Variants in AGBL1 observed in about 807,000 individuals in gnomAD.
AGBL1 encodes the protein cytosolic carboxypeptidase 4.
A neutral mutation model predicts 118.9 loss-of-function variants in AGBL1; 130 were observed. That is an observed-to-expected ratio of 1.09 (90% CI 0.95 to 1.26). AGBL1 has a LOEUF of 1.26. AGBL1 is among the 50% of genes most tolerant of loss of function. AGBL1 has a pLI of 0.00. For synonymous variants in AGBL1, 555 were observed against 478.9 expected, an observed-to-expected ratio of 1.16 and a Z score of -2.08; for missense variants, 1,584 against 1,298.1, an observed-to-expected ratio of 1.22 and a Z score of -3.38.
intron 18 of AGBL1, among the ~76,000 whole-genome samples, chr15:86,401,965 G>T (rs2081452827): frequency 6.6e-6 from 1 of 151,892 alleles, no homozygotes; most frequent in South Asian, 2.1e-4. Context: ...TTTTAGGATT[G>T]TTTTTTCTAG....
intron 22 of AGBL1, among the ~76,000 whole-genome samples, chr15:86,882,862 CT>C (rs1252612345): frequency 2.0e-5 from 3 of 152,112 alleles, no homozygotes; most frequent in Admixed American, 2.0e-4. Flanking sequence ...TCTCTCTTTT[CT>C]TTTTAAAAAC....
At chr15:86,672,584 C>T (rs2085766069) in intron 21 of AGBL1, among the ~76,000 whole-genome samples, 1 of 152,144 alleles carries the variant, frequency 6.6e-6, no homozygotes, top group Admixed American at 6.5e-5. Flanking sequence ...GCTGACTGAG[C>T]AGGCAGGTGT....
intron 21 of AGBL1, among the ~76,000 whole-genome samples, chr15:86,564,423 G>T (rs2083880332): frequency 6.6e-6 from 1 of 152,162 alleles, no homozygotes; most frequent in Non-Finnish European, 1.5e-5. Context: ...ATTCTGGGTT[G>T]AAAATTCTTT....
At chr15:86,174,778 G>C (rs1439903247) in intron 5 of AGBL1, among the ~76,000 whole-genome samples, 2 of 152,000 alleles carry the variant, frequency 1.3e-5, no homozygotes, top group Non-Finnish European at 2.9e-5. Context: ...CTTCCATTCT[G>C]TTTATATGAT....
chr15:86,541,647 A>C (rs967875286), intron 19 of AGBL1, among the ~76,000 whole-genome samples: 1 of 151,296 alleles, frequency 6.6e-6, no homozygotes, highest in Admixed American at 6.6e-5. Flanking sequence ...CCACTGCTCT[A>C]AAGTCTAGAA....
At chr15:86,368,416 T>G (rs1263114739) in intron 17 of AGBL1, among the ~76,000 whole-genome samples, 1 of 152,174 alleles carries the variant, frequency 6.6e-6, no homozygotes, top group Non-Finnish European at 1.5e-5. Flanking sequence ...TCACTCTATA[T>G]GACATCAAAT....
At chr15:86,184,240 G>A (rs61357201) in intron 5 of AGBL1, among the ~76,000 whole-genome samples, 8 of 152,186 alleles carry the variant, frequency 5.3e-5, no homozygotes, top group Admixed American at 2.6e-4. Flanking sequence ...TAGCATCCTA[G>A]TAGTAGTCTT....
chr15:86,147,131 G>A (rs1048024060), intron 3 of AGBL1, among the ~76,000 whole-genome samples: 2 of 152,278 alleles, frequency 1.3e-5, no homozygotes, highest in African/African-American at 4.8e-5. Context: ...TATTAGAGGG[G>A]AAATAGGGGG....
intron 22 of AGBL1, among the ~76,000 whole-genome samples, chr15:86,705,686 G>T: frequency 6.6e-6 from 1 of 152,092 alleles, no homozygotes. Context: ...TACTCTTAAT[G>T]TACCATTGGT....
chr15:86,705,842 A>T (rs960067940), intron 22 of AGBL1, among the ~76,000 whole-genome samples: 1 of 152,172 alleles, frequency 6.6e-6, no homozygotes, highest in Non-Finnish European at 1.5e-5. Context: ...AAATTCAGTG[A>T]TGATTACATC....
rs561248452 is a variant in AGBL1 at position 86,874,317 on chromosome 15, C to G, written c.3159-32770C>G. Among the ~76,000 whole-genome samples, 6 of 152,016 alleles carry G rather than the reference C, an allele frequency of 3.9e-5. No homozygotes were observed. The South Asian group carries it at 8.3e-4, about 21-fold the overall frequency. On this transcript the variant is annotated intron_variant, in intron 22 of 22. Coordinates refer to ENST00000614907, the MANE Select transcript of AGBL1 (RefSeq NM_001386094.1). ...AGAAAAATTATGGTGCTATGCTTCTCAACTTCAATTACTTTATGTGCAAAA... is the reference window on the plus strand; with the variant it reads ...AGAAAAATTATGGTGCTATGCTTCTGAACTTCAATTACTTTATGTGCAAAA...
intron 18 of AGBL1, among the ~76,000 whole-genome samples, chr15:86,431,574 C>T (rs1205146564): frequency 1.3e-5 from 2 of 152,192 alleles, no homozygotes; most frequent in African/African-American, 4.8e-5. Context: ...ATTTCTGTAA[C>T]TTAGACTGAC....
rs774109937 is a variant in AGBL1, at chr15:86,295,399, G to C, written c.2365G>C (p.Glu789Gln). ...MPESNSDEHLEQFRHRPYQVI... is the reference protein window; with the variant it reads ...MPESNSDEHLQQFRHRPYQVI... ...TGAGTCCAACAGTGATGAGCATCTAGAGCAGTTCCGTGAGTAAAATGGGAT... is the reference window on the plus strand; with the variant it reads ...TGAGTCCAACAGTGATGAGCATCTACAGCAGTTCCGTGAGTAAAATGGGAT... The change falls in exon 17 of 23, where the codon GAG becomes CAG. Residue 789 changes from glutamate (E) to glutamine (Q), a missense_variant. Transcript: ENST00000614907. 6.4e-7 allele frequency: 1 copy of C among 1,571,720 alleles called. No homozygotes were observed. The highest frequency in any genetic ancestry group is 8.6e-7 in the Non-Finnish European group (1 of 1,160,962).
intron 21 of AGBL1, among the ~76,000 whole-genome samples, chr15:86,624,404 C>G (rs1413781742): frequency 6.6e-6 from 1 of 152,212 alleles, no homozygotes; most frequent in Non-Finnish European, 1.5e-5. Context: ...TGAGCACCTA[C>G]AGTATACAGT....
chr15:86,789,318 G>C (rs754496790), intron 22 of AGBL1, among the ~76,000 whole-genome samples: 1 of 152,276 alleles, frequency 6.6e-6, no homozygotes, highest in African/African-American at 2.4e-5. Context: ...ATGCAGACTC[G>C]GATTATCAAT....
At chr15:87,002,901 A>G (rs2141763926) in intron 24 of AGBL1, among the ~76,000 whole-genome samples, 2 of 152,266 alleles carry the variant, frequency 1.3e-5, no homozygotes, top group Middle Eastern at 3.4e-3. Flanking sequence ...GGTTTTCTAG[A>G]TATACAATCA....
chr15:86,337,151 C>A (rs1044364662), intron 17 of AGBL1, among the ~76,000 whole-genome samples: 3 of 152,200 alleles, frequency 2.0e-5, no homozygotes, highest in Non-Finnish European at 4.4e-5. Context: ...CTATGTTTAT[C>A]TAATAATGTG....
chr15:86,086,489 G>T (rs1217677255), intron 1 of AGBL1: 1 of 152,144 alleles, frequency 6.6e-6, no homozygotes, highest in African/African-American at 2.4e-5. Flanking sequence ...AGAAAAAGAT[G>T]ATATGAGACA....
At chr15:86,192,711 A>G (rs1177040241) in intron 5 of AGBL1, among the ~76,000 whole-genome samples, 1 of 152,242 alleles carries the variant, frequency 6.6e-6, no homozygotes, top group East Asian at 1.9e-4. Flanking sequence ...GTGCCTGTTC[A>G]TGAAGTAGGT....
Sources: allele counts gnomAD v4.1 joint callset (sites outside exome capture counted in the v4.1 genomes callset), GRCh38; gene constraint gnomAD v4.1.1; transcripts MANE v1.5; gene names NCBI Gene and HGNC (gene_info 2026-07-23, HGNC 2026-07-21).